The following MBOAT2 variants were observed in gnomAD, a reference collection of about 807,000 sequenced individuals.
MBOAT2 encodes membrane-bound glycerophospholipid O-acyltransferase 2.
MBOAT2 carries 28 observed loss-of-function variants against 63.4 expected under a neutral mutation model. The ratio of observed to expected loss-of-function variants is 0.44; its 90% CI spans 0.33 to 0.61. MBOAT2 has a LOEUF of 0.61. MBOAT2 is among the 20% of genes least tolerant of loss of function. MBOAT2 has a pLI of 0.03. For synonymous variants in MBOAT2, 211 were observed against 215.6 expected (o/e 0.98, Z 0.19); for missense variants, 470 against 605.8 (o/e 0.78, Z 2.35).
chr2:8,920,344 A>C (rs1023802515), intron 3 of MBOAT2, among the ~76,000 whole-genome samples: 2 of 152,204 alleles, frequency 1.3e-5, no homozygotes, highest in African/African-American at 4.8e-5. Flanking sequence ...AAATCAACTG[A>C]CCATAAAGGT....
At chr2:8,893,102 G>GGAGGCAGGGGGAGGGGGTGGGGGAT (rs1319116842) in intron 4 of MBOAT2, among the ~76,000 whole-genome samples, 1 of 134,424 alleles carries the variant, frequency 7.4e-6, no homozygotes, top group Non-Finnish European at 1.6e-5. Flanking sequence ...GGGTGGGGGA[G>GGAGGCAGGGGGAGGGGGTGGGGGAT]GAGGCAGGGG....
chr2:8,965,841 A>G (rs1390271414), intron 1 of MBOAT2, among the ~76,000 whole-genome samples: 2 of 152,172 alleles, frequency 1.3e-5, no homozygotes, highest in Non-Finnish European at 2.9e-5. Flanking sequence ...CCACATCAGA[A>G]TTAAGCATTC....
At chr2:8,930,286 T>C (rs1667224811) in intron 3 of MBOAT2, among the ~76,000 whole-genome samples, 1 of 152,238 alleles carries the variant, frequency 6.6e-6, no homozygotes, top group Non-Finnish European at 1.5e-5. Flanking sequence ...AATCTAACAC[T>C]GTTCTCATTG....
chr2:8,999,869 T>C (rs573111176), intron 1 of MBOAT2, among the ~76,000 whole-genome samples: 57 of 152,362 alleles, frequency 3.7e-4, no homozygotes, highest in African/African-American at 1.3e-3. Flanking sequence ...TTAAGGCCTA[T>C]TGAACAAATA....
intron 2 of MBOAT2, among the ~76,000 whole-genome samples, chr2:8,953,036 T>C (rs1668955269): frequency 6.6e-6 from 1 of 152,176 alleles, no homozygotes; most frequent in Non-Finnish European, 1.5e-5. Context: ...TGCTTTGTAG[T>C]TTCTAATGTG....
intron 2 of MBOAT2, among the ~76,000 whole-genome samples, chr2:8,954,746 G>C (rs992452671): frequency 3.9e-5 from 6 of 152,292 alleles, no homozygotes; most frequent in Middle Eastern, 3.4e-3. Flanking sequence ...CTGTAGATTT[G>C]CCTGGGTGTG....
chr2:8,901,066 A>ACCTGCAACAGTCCCTGGAC (rs1308164646), intron 4 of MBOAT2, among the ~76,000 whole-genome samples: 2 of 152,272 alleles, frequency 1.3e-5, no homozygotes, highest in East Asian at 3.9e-4. Context: ...CTGCCCAAGA[A>ACCTGCAACAGTCCCTGGAC]CCTGCAACAG....
intron 5 of MBOAT2, among the ~76,000 whole-genome samples, chr2:8,884,921 G>T (rs189456775): frequency 2.6e-5 from 4 of 152,288 alleles, no homozygotes; most frequent in Non-Finnish European, 4.4e-5. Context: ...AAAGCTAGAA[G>T]TCTAACCAAG....
intron 9 of MBOAT2, among the ~76,000 whole-genome samples, chr2:8,867,148 C>G (rs559104253): frequency 6.6e-6 from 1 of 152,164 alleles, no homozygotes; most frequent in East Asian, 1.9e-4. Flanking sequence ...TGCTGAGTAG[C>G]TGGGTCTACA....
chr2:8,926,110 T>C (rs777528794), intron 3 of MBOAT2, among the ~76,000 whole-genome samples: 10 of 151,920 alleles, frequency 6.6e-5, no homozygotes, highest in Non-Finnish European at 1.5e-4. Context: ...TTTTGTTCTT[T>C]GTTTGTTTGT....
intron 2 of MBOAT2, among the ~76,000 whole-genome samples, chr2:8,956,835 TC>T (rs1008541539): frequency 1.1e-4 from 16 of 152,318 alleles, no homozygotes; most frequent in Admixed American, 7.2e-4. Context: ...AGAGAACACT[TC>T]CTCAGTAAAA....
chr2:8,929,690 T>C (rs1667185204), intron 3 of MBOAT2, among the ~76,000 whole-genome samples: 1 of 152,194 alleles, frequency 6.6e-6, no homozygotes, highest in Admixed American at 6.5e-5. Flanking sequence ...AACATATGCA[T>C]GCATGTATCA....
chr2:8,876,919 G>C, intron 7 of MBOAT2, 111 bp downstream of exon 7: 4 of 1,092,354 alleles, frequency 3.7e-6, no homozygotes, highest in South Asian at 3.4e-5. Context: ...ATCTTGAAAA[G>C]TATTTTTAAA....
At chr2:8,952,738 CTTTT>C (rs1283665939) in intron 2 of MBOAT2, among the ~76,000 whole-genome samples, 2 of 138,060 alleles carry the variant, frequency 1.4e-5, no homozygotes, top group Non-Finnish European at 1.6e-5. Flanking sequence ...ATGTAACGCC[CTTTT>C]TTTTTTTTTT....
At chr2:8,873,909 A>G (rs1474424106) in intron 7 of MBOAT2, among the ~76,000 whole-genome samples, 1 of 152,156 alleles carries the variant, frequency 6.6e-6, no homozygotes, top group Non-Finnish European at 1.5e-5. Flanking sequence ...TCACCAACTC[A>G]TGGTATTTTG....
At chr2:8,954,880 G>A (rs181233301) in intron 2 of MBOAT2, among the ~76,000 whole-genome samples, 17 of 152,242 alleles carry the variant, frequency 1.1e-4, no homozygotes, top group East Asian at 3.9e-4. Context: ...GAGCAGAGGC[G>A]GCCCTGTCAT....
At chr2:8,880,985 G>C (rs1210151022) in intron 6 of MBOAT2, among the ~76,000 whole-genome samples, 2 of 152,200 alleles carry the variant, frequency 1.3e-5, no homozygotes, top group Non-Finnish European at 2.9e-5. Context: ...GGAACATGCA[G>C]TAATGGGGTG....
intron 5 of MBOAT2, among the ~76,000 whole-genome samples, chr2:8,886,553 G>A (rs1020844584): frequency 2.0e-5 from 3 of 152,178 alleles, no homozygotes; most frequent in African/African-American, 7.2e-5. Flanking sequence ...TGTCTCAGAG[G>A]ATGTACTGAA....
chr2:8,948,380 T>A (rs1383627740), intron 2 of MBOAT2, among the ~76,000 whole-genome samples: 1 of 152,180 alleles, frequency 6.6e-6, no homozygotes, highest in African/African-American at 2.4e-5. Flanking sequence ...GGGATACATA[T>A]GCAGTACCTA....
Sources: gnomAD v4.1 joint callset for allele counts (sites outside exome capture counted in the v4.1 genomes callset) on GRCh38, gnomAD v4.1.1 for gene constraint, MANE v1.5 for transcripts, NCBI Gene and HGNC (gene_info 2026-07-23, HGNC 2026-07-21) for gene names.